The following SEC23A variants were observed in gnomAD, a reference collection of about 807,000 sequenced individuals.
The protein encoded by SEC23A is protein transport protein Sec23A.
A neutral mutation model predicts 103.7 loss-of-function variants in SEC23A; 56 were observed. That is an observed-to-expected ratio of 0.54 (90% confidence interval 0.44 to 0.67). SEC23A has a LOEUF of 0.67. Ranked by LOEUF, SEC23A falls within the 30% of genes least tolerant of loss-of-function variation. The pLI is 0.00. For missense variants in SEC23A, 784 were observed against 936.4 expected (o/e 0.84, Z 2.12); for synonymous variants, 281 against 293.0 (o/e 0.96, Z 0.42).
intron 1 of SEC23A, among the ~76,000 whole-genome samples, chr14:39,101,392 G>T (rs867142660): frequency 5.5e-4 from 84 of 151,954 alleles, no homozygotes; most frequent in Middle Eastern, 6.8e-3. Context: ...GGCCGAGGAG[G>T]GTGGATCATG....
intron 5 of SEC23A, chr14:39,090,923 T>C (rs1422133291): frequency 3.2e-6 from 1 of 315,768 alleles, no homozygotes. Context: ...AATGTCAACA[T>C]CAGGAGCTTC....
At chr14:39,094,419 T>C (rs1421070558) in intron 2 of SEC23A, among the ~76,000 whole-genome samples, 1 of 61,180 alleles carries the variant, frequency 1.6e-5, no homozygotes, top group African/African-American at 1.5e-4. Flanking sequence ...TATATATATA[T>C]ATATATATAT....
intron 4 of SEC23A, among the ~76,000 whole-genome samples, chr14:39,092,310 T>A (rs1887690044): frequency 6.6e-6 from 1 of 152,230 alleles, no homozygotes; most frequent in Non-Finnish European, 1.5e-5. Context: ...TGTTTACTGA[T>A]CTACTCAGTA....
At chr14:39,035,121 A>C (rs902024248) in intron 19 of SEC23A, among the ~76,000 whole-genome samples, 1 of 152,284 alleles carries the variant, frequency 6.6e-6, no homozygotes, top group East Asian at 1.9e-4. Context: ...TGCATAAAAT[A>C]CTTAATCTAT....
intron 19 of SEC23A, among the ~76,000 whole-genome samples, chr14:39,033,992 A>G (rs776204241): frequency 4.6e-5 from 7 of 152,272 alleles, no homozygotes; most frequent in Admixed American, 6.5e-5. Flanking sequence ...AGTCTAAAAC[A>G]GGGAAATTAA....
intron 12 of SEC23A, 140 bp from the exon 13 acceptor site, chr14:39,062,011 C>T: frequency 1.5e-6 from 1 of 665,000 alleles, no homozygotes; most frequent in Non-Finnish European, 2.7e-6. Context: ...GCATTCAAAA[C>T]AGTTATAATT....
chr14:39,059,491 C>T (rs1250028730), intron 13 of SEC23A, among the ~76,000 whole-genome samples: 1 of 151,972 alleles, frequency 6.6e-6, no homozygotes. Flanking sequence ...TAAGACAGCA[C>T]CCTGTCTCTT....
chr14:39,097,863 T>A (rs532941088), intron 1 of SEC23A, among the ~76,000 whole-genome samples: 1 of 152,190 alleles, frequency 6.6e-6, no homozygotes, highest in Non-Finnish European at 1.5e-5. Flanking sequence ...GGCAGGTGGA[T>A]CACCTGAGAT....
intron 7 of SEC23A, among the ~76,000 whole-genome samples, chr14:39,076,855 A>C (rs1365192089): frequency 2.0e-5 from 3 of 150,746 alleles, no homozygotes; most frequent in Non-Finnish European, 4.4e-5. Context: ...TGAACGCGGG[A>C]GGTGGAGGTC....
chr14:39,060,895 T>C (rs1021140095), intron 13 of SEC23A, among the ~76,000 whole-genome samples: 3 of 152,172 alleles, frequency 2.0e-5, no homozygotes, highest in South Asian at 2.1e-4. Context: ...AATTAGAACA[T>C]GACTATGTTA....
intron 10 of SEC23A, among the ~76,000 whole-genome samples, chr14:39,065,705 G>A (rs6571891): frequency 0.93 from 141,039 of 152,184 alleles, 65,458 homozygotes; most frequent in East Asian, 0.97. Context: ...ACATCTTTAA[G>A]AAAACAACTG....
chr14:39,088,415 G>T (rs1287340031), intron 5 of SEC23A: 1 of 151,944 alleles, frequency 6.6e-6, no homozygotes, highest in African/African-American at 2.4e-5. Context: ...TGGCCAACAT[G>T]GTGAAACCCC....
chr14:39,058,599 G>A (rs1209754377), intron 13 of SEC23A, among the ~76,000 whole-genome samples: 3 of 152,144 alleles, frequency 2.0e-5, no homozygotes, highest in Non-Finnish European at 2.9e-5. Flanking sequence ...GAGCCACCGC[G>A]CCCGGCCTTC....
chr14:39,078,499 C>T (rs754235452), intron 7 of SEC23A, among the ~76,000 whole-genome samples: 4 of 152,138 alleles, frequency 2.6e-5, no homozygotes, highest in Non-Finnish European at 4.4e-5. Flanking sequence ...TGTATCTATA[C>T]CTCCAGATAC....
intron 15 of SEC23A, among the ~76,000 whole-genome samples, chr14:39,047,080 A>G (rs1885864094): frequency 1.3e-5 from 2 of 152,190 alleles, no homozygotes; most frequent in African/African-American, 4.8e-5. Context: ...TATTTTGGGG[A>G]TGAAGACTTC....
intron 9 of SEC23A, among the ~76,000 whole-genome samples, chr14:39,073,557 G>A (rs1287479000): frequency 6.7e-6 from 1 of 148,750 alleles, no homozygotes; most frequent in Non-Finnish European, 1.5e-5. Flanking sequence ...GCTTCTCAAA[G>A]TGCTAGGATT....
intron 14 of SEC23A, among the ~76,000 whole-genome samples, chr14:39,050,804 A>C (rs201833038): frequency 7.4e-4 from 98 of 132,174 alleles, no homozygotes; most frequent in African/African-American, 2.3e-3. Flanking sequence ...AGAAGGAAAG[A>C]AAGGAAGAAA....
At chr14:39,092,713 T>C (rs1887703171) in intron 3 of SEC23A, 86 bp from the exon 4 acceptor site, 2 of 746,532 alleles carry the variant, frequency 2.7e-6, no homozygotes, top group South Asian at 3.5e-5. Context: ...TTCCTGATCA[T>C]TTAATTATTT....
At chr14:39,082,766 A>C (rs935531945) in intron 7 of SEC23A, among the ~76,000 whole-genome samples, 6 of 152,336 alleles carry the variant, frequency 3.9e-5, no homozygotes, top group African/African-American at 1.4e-4. Context: ...ACACAGCATT[A>C]CTTCTGTGAT....
Sources: allele counts gnomAD v4.1 joint callset (sites outside exome capture counted in the v4.1 genomes callset), GRCh38; gene constraint gnomAD v4.1.1; transcripts MANE v1.5; gene names NCBI Gene and HGNC (gene_info 2026-07-23, HGNC 2026-07-21).